The following CCDC141 variants were observed in gnomAD, a reference collection of about 807,000 sequenced individuals.
CCDC141 encodes the protein coiled-coil domain-containing protein 141.
CCDC141 carries 168 observed loss-of-function variants against 181.0 expected under a neutral mutation model. That is an observed-to-expected ratio of 0.93 (90% confidence interval 0.82 to 1.05). The LOEUF (loss-of-function observed/expected upper bound fraction) is 1.05. CCDC141 is among the 50% of genes least tolerant of loss of function. The probability of loss-of-function intolerance (pLI) is 0.00; values close to 1 mark genes in which losing one functional copy is unlikely to be tolerated. For missense variants in CCDC141, 1,902 were observed against 1,788.5 expected, an observed-to-expected ratio of 1.06 and a Z score of -1.14; for synonymous variants, 666 against 642.3, an observed-to-expected ratio of 1.04 and a Z score of -0.56.
chr2:178,977,461 G>C (rs966318134), intron 3 of CCDC141, among the ~76,000 whole-genome samples: 1 of 152,050 alleles, frequency 6.6e-6, no homozygotes. Flanking sequence ...TTTCTTTTCA[G>C]GGAAGAAAGA....
chr2:178,908,829 T>C (rs1192659308), intron 7 of CCDC141, among the ~76,000 whole-genome samples: 1 of 152,230 alleles, frequency 6.6e-6, no homozygotes, highest in Admixed American at 6.5e-5. Flanking sequence ...CCTTAATACA[T>C]GTCATGTTTG....
chr2:178,880,133 A>G (rs1575162764), intron 11 of CCDC141, among the ~76,000 whole-genome samples: 2 of 152,352 alleles, frequency 1.3e-5, no homozygotes, highest in Non-Finnish European at 2.9e-5. Flanking sequence ...GTTATGTGCA[A>G]TTCTCAAAAC....
intron 8 of CCDC141, 47 bp from the exon 9 acceptor site, chr2:178,888,715 A>G: frequency 6.5e-7 from 1 of 1,543,330 alleles, no homozygotes; most frequent in Non-Finnish European, 8.8e-7. Flanking sequence ...CCAATATAGA[A>G]CACAGAATAT....
intron 9 of CCDC141, 30 bp from the exon 10 acceptor site, chr2:178,886,901 T>C: frequency 2.3e-6 from 3 of 1,301,910 alleles, no homozygotes; most frequent in Non-Finnish European, 3.0e-6. Context: ...ATGGCAGTCT[T>C]AGTAATATAT....
chr2:179,003,430 C>A (rs1362547725), intron 2 of CCDC141, among the ~76,000 whole-genome samples: 2 of 152,100 alleles, frequency 1.3e-5, no homozygotes, highest in Non-Finnish European at 2.9e-5. Flanking sequence ...TAGGCCTCAG[C>A]CTGTTATAAA....
At chr2:178,889,536 A>T (rs185248455) in intron 8 of CCDC141, among the ~76,000 whole-genome samples, 1 of 152,340 alleles carries the variant, frequency 6.6e-6, no homozygotes, top group Admixed American at 6.5e-5. Context: ...AGAGTTTAAA[A>T]AGAGCTCAGA....
intron 6 of CCDC141, among the ~76,000 whole-genome samples, chr2:178,937,831 C>G (rs1051679912): frequency 2.0e-5 from 3 of 151,412 alleles, no homozygotes; most frequent in African/African-American, 4.8e-5. Flanking sequence ...ATTTATCCAT[C>G]TCTTTTAGGT....
intron 5 of CCDC141, among the ~76,000 whole-genome samples, chr2:178,958,713 T>C (rs200431546): frequency 3.2e-3 from 2 of 632 alleles, no homozygotes; most frequent in South Asian, 0.5. Flanking sequence ...TTTTTTCCCC[T>C]TTTTTTTGTT....
chr2:178,920,656 T>C (rs4894064), intron 6 of CCDC141, among the ~76,000 whole-genome samples: 71,766 of 151,108 alleles, frequency 0.47, 18,514 homozygotes, highest in Non-Finnish European at 0.58. Context: ...ACCAGGAAGT[T>C]GAGGCTGCAG....
At chr2:178,971,211 T>G (rs1690870437) in intron 4 of CCDC141, among the ~76,000 whole-genome samples, 1 of 151,062 alleles carries the variant, frequency 6.6e-6, no homozygotes, top group Non-Finnish European at 1.5e-5. Flanking sequence ...CCACCTCAAT[T>G]AAAAAAAAAT....
chr2:178,846,654 G>T (rs1684952182), intron 21 of CCDC141, among the ~76,000 whole-genome samples: 1 of 152,178 alleles, frequency 6.6e-6, no homozygotes, highest in African/African-American at 2.4e-5. Context: ...CAAAATATCA[G>T]CTGGTGTGGA....
chr2:178,845,032 C>T (rs1270456773), intron 22 of CCDC141, among the ~76,000 whole-genome samples: 1 of 152,108 alleles, frequency 6.6e-6, no homozygotes, highest in Non-Finnish European at 1.5e-5. Flanking sequence ...TATCTGTAGT[C>T]GTTACATGCT....
intron 23 of CCDC141, among the ~76,000 whole-genome samples, chr2:178,834,659 C>G (rs920335983): frequency 6.6e-6 from 1 of 151,944 alleles, no homozygotes; most frequent in African/African-American, 2.4e-5. Context: ...CGGTCTCAAA[C>G]TCCTGGGATC....
the CCDC141 span, among the ~76,000 whole-genome samples, chr2:178,815,033 T>C: frequency 6.6e-6 from 1 of 151,746 alleles, no homozygotes; most frequent in African/African-American, 2.4e-5. Flanking sequence ...AAGATGGAAG[T>C]GAAGGAGAGA....
chr2:178,884,881 G>T lies in CCDC141; in HGVS notation c.1719+20C>A, dbSNP rs755737056. On this transcript the variant is annotated intron_variant, in intron 11 of 23. Transcript: ENST00000443758. Reference sequence around the variant, plus strand: ...GGCAGTGGCCACCTTGCTGAAGAAGGTTAACACATAGTACCATACCTCCTC... The same window carrying T: ...GGCAGTGGCCACCTTGCTGAAGAAGTTTAACACATAGTACCATACCTCCTC... 3.2e-6 allele frequency: 5 copies of T among 1,543,724 alleles called. No individual in the cohort carries two copies. The highest frequency in any genetic ancestry group is 2.7e-5 in the African/African-American group (2 of 72,894).
chr2:178,887,653 C>T (rs1213956835), intron 9 of CCDC141, among the ~76,000 whole-genome samples: 1 of 152,164 alleles, frequency 6.6e-6, no homozygotes, highest in African/African-American at 2.4e-5. Context: ...TAAACCCAGG[C>T]ACCAGAACAA....
intron 2 of CCDC141, among the ~76,000 whole-genome samples, chr2:179,009,083 T>C (rs1444439679): frequency 6.6e-6 from 1 of 152,172 alleles, no homozygotes; most frequent in Non-Finnish European, 1.5e-5. Flanking sequence ...GTGCATGGGG[T>C]TGGTCCTGGG....
chr2:178,863,288 G>A (rs1309911932), intron 17 of CCDC141, among the ~76,000 whole-genome samples: 1 of 152,180 alleles, frequency 6.6e-6, no homozygotes, highest in South Asian at 2.1e-4. Flanking sequence ...TCCATTGCAA[G>A]TCAGAGTCTG....
At chr2:179,004,431 GAAT>G (rs1559041630) in intron 2 of CCDC141, among the ~76,000 whole-genome samples, 1 of 152,130 alleles carries the variant, frequency 6.6e-6, no homozygotes, top group Non-Finnish European at 1.5e-5. Flanking sequence ...CAATTTTTAA[GAAT>G]AATAGTCGTT....
Sources: allele counts gnomAD v4.1 joint callset (sites outside exome capture counted in the v4.1 genomes callset), GRCh38; gene constraint gnomAD v4.1.1; transcripts MANE v1.5; gene names NCBI Gene and HGNC (gene_info 2026-07-23, HGNC 2026-07-21).